Variants in CFAP99 observed in about 807,000 individuals in gnomAD.
The protein encoded by CFAP99 is cilia and flagella associated protein 99, also known as cilia- and flagella-associated protein 99.
CFAP99 carries 84 observed loss-of-function variants against 82.7 expected under a neutral mutation model. The ratio of observed to expected loss-of-function variants is 1.02; its 90% CI spans 0.85 to 1.22. The LOEUF (loss-of-function observed/expected upper bound fraction) is 1.22. CFAP99 is among the 50% of genes most tolerant of loss of function. The pLI is 0.00. For missense variants in CFAP99, 1,059 were observed against 983.5 expected, an observed-to-expected ratio of 1.08 and a Z score of -1.03; for synonymous variants, 456 against 429.5, an observed-to-expected ratio of 1.06 and a Z score of -0.76.
Position 2,437,078 on chromosome 4 carries a change from CG to C in CFAP99, c.256+62del, listed in dbSNP as rs974447033. 5 of 1,525,066 alleles carry C rather than the reference CG, an allele frequency of 3.3e-6. No individual in the cohort carries two copies. The African/African-American group carries it at 6.9e-5, about 21-fold the overall frequency. The allele number at this position is 1,525,066 out of a possible 1,614,324, so 94.5% of individuals were successfully genotyped here. A position where few individuals can be genotyped will look rare whatever the true frequency, so the allele number is the denominator to read the frequency against. ...AGAGACGGTTCACTCAGGCTCTCTG[CG>C]GAAAGGCCTGGCAGGCAGGCAGCGG... On this transcript the variant is annotated intron_variant, in intron 3 of 14. Coordinates refer to ENST00000635017, the Ensembl canonical transcript of CFAP99.
intron 2 of CFAP99, chr4:2,427,622 G>A (rs1324665962): frequency 2.6e-5 from 4 of 152,666 alleles, no homozygotes; most frequent in Non-Finnish European, 5.8e-5. Context: ...GCCTATGTGC[G>A]CTGCTTTTCT....
At position 2,451,037 on chromosome 4, in the gene CFAP99, T is replaced by A; in HGVS notation, c.867+19T>A. 1 of 1,533,344 alleles carries A rather than the reference T, an allele frequency of 6.5e-7. No individual in the cohort carries two copies. Among genetic ancestry groups the A allele is most frequent in the Non-Finnish European group, 8.7e-7 (1 of 1,145,422 alleles). 95.0% of individuals were successfully genotyped at this position (1,533,344 alleles called of 1,614,324 possible). A position where few individuals can be genotyped will look rare whatever the true frequency, so the allele number is the denominator to read the frequency against. ...CTATAGGGTGAGGGGTGCTCCTGGA[T>A]GGTCAGGCTGCTCTCCCTGGGCACC... is the stretch of plus-strand genomic sequence containing the variant. On this transcript the variant is annotated intron_variant, in intron 9 of 14. Transcript: ENST00000635017.
At chr4:2,452,891 C>T (rs1206960543) in intron 11 of CFAP99, among the ~76,000 whole-genome samples, 6 of 152,058 alleles carry the variant, frequency 3.9e-5, no homozygotes, top group Non-Finnish European at 8.8e-5. Context: ...AGCAAAATCC[C>T]GTCTCTGTAA....
exon 6 of CFAP99, chr4:2,445,171 G>A: frequency 7.1e-7 from 1 of 1,415,118 alleles, no homozygotes; most frequent in Non-Finnish European, 9.2e-7. Flanking sequence ...CCACCTGGAG[G>A]GCGTGTCTGC....
At chr4:2,461,331 G>A (rs193135070) in intron 14 of CFAP99, among the ~76,000 whole-genome samples, 22 of 152,320 alleles carry the variant, frequency 1.4e-4, no homozygotes, top group Non-Finnish European at 2.4e-4. Flanking sequence ...ACAGGGCTCC[G>A]GAGACGGTTT....
exon 10 of CFAP99, chr4:2,451,316 C>T (rs1734295341): frequency 3.9e-6 from 6 of 1,536,014 alleles, no homozygotes; most frequent in Non-Finnish European, 5.2e-6. Flanking sequence ...CGAGAAGGGG[C>T]CTTGTACCAG....
At chr4:2,437,134 C>G in intron 3 of CFAP99, 116 bp downstream of exon 3, 1 of 1,281,614 alleles carries the variant, frequency 7.8e-7, no homozygotes, top group Non-Finnish European at 1.1e-6. Context: ...CCTTCCTGCC[C>G]TTGCACTGGA....
chr4:2,426,862 G>C (rs1255935891), intron 2 of CFAP99: 1 of 439,136 alleles, frequency 2.3e-6, no homozygotes, highest in Admixed American at 3.4e-5. Flanking sequence ...CAGATGAGAA[G>C]GGTCAGCCCT....
At chr4:2,420,122 C>G (rs867364845) in intron 1 of CFAP99, among the ~76,000 whole-genome samples, 10 of 151,862 alleles carry the variant, frequency 6.6e-5, no homozygotes, top group African/African-American at 2.2e-4. Flanking sequence ...CTCCTCGCTC[C>G]TGGCCACTCC....
At chr4:2,422,712 G>A (rs576225572) in intron 1 of CFAP99, among the ~76,000 whole-genome samples, 18 of 152,312 alleles carry the variant, frequency 1.2e-4, no homozygotes, top group African/African-American at 3.8e-4. Context: ...AAAGGCTGGG[G>A]CAAGGGGACC....
chr4:2,424,730 C>T (rs73205474), intron 1 of CFAP99, among the ~76,000 whole-genome samples: 46,325 of 152,128 alleles, frequency 0.3, 8,119 homozygotes, highest in East Asian at 0.52. Context: ...CCCACAACGA[C>T]AGTCACTTGG....
chr4:2,452,932 G>A (rs1734338867), intron 11 of CFAP99, among the ~76,000 whole-genome samples: 1 of 152,072 alleles, frequency 6.6e-6, no homozygotes, highest in Non-Finnish European at 1.5e-5. Context: ...GCATGGTGGT[G>A]CGTGCCCGTA....
intron 11 of CFAP99, among the ~76,000 whole-genome samples, chr4:2,457,835 A>G (rs1734472448): frequency 1.3e-5 from 2 of 151,994 alleles, no homozygotes; most frequent in Admixed American, 1.3e-4. Context: ...AGCCCTTGCT[A>G]GGTGTTGGCC....
intron 2 of CFAP99, among the ~76,000 whole-genome samples, chr4:2,429,949 G>A (rs1041056134): frequency 2.5e-4 from 38 of 149,246 alleles, no homozygotes; most frequent in African/African-American, 8.3e-4. Flanking sequence ...ATTGGATCCT[G>A]ATCCAGTTTG....
At chr4:2,452,539 C>G (rs1734330072) in intron 11 of CFAP99, among the ~76,000 whole-genome samples, 193 bp downstream of exon 11, 1 of 152,166 alleles carries the variant, frequency 6.6e-6, no homozygotes, top group Non-Finnish European at 1.5e-5. Flanking sequence ...AGCCTGTGTT[C>G]CCCGAGAGTG....
At chr4:2,430,513 C>T (rs111799162) in intron 2 of CFAP99, among the ~76,000 whole-genome samples, 6 of 142,550 alleles carry the variant, frequency 4.2e-5, no homozygotes, top group Admixed American at 7.0e-5. Flanking sequence ...GTAAACCAAA[C>T]GGCAGACTCC....
At chr4:2,422,681 C>A (rs1034561342) in intron 1 of CFAP99, among the ~76,000 whole-genome samples, 2 of 152,198 alleles carry the variant, frequency 1.3e-5, no homozygotes, top group African/African-American at 4.8e-5. Flanking sequence ...CCAGGCAGAG[C>A]TGTATCCAGA....
At chr4:2,440,389 G>A (rs1201606684) in intron 4 of CFAP99, among the ~76,000 whole-genome samples, 4 of 149,834 alleles carry the variant, frequency 2.7e-5, no homozygotes, top group East Asian at 2.1e-4. Context: ...CTCGTGATCC[G>A]CCCGCCTCGG....
At chr4:2,433,912 A>G (rs1474303231) in intron 2 of CFAP99, among the ~76,000 whole-genome samples, 1 of 152,210 alleles carries the variant, frequency 6.6e-6, no homozygotes, top group Non-Finnish European at 1.5e-5. Flanking sequence ...ACTTCCATGC[A>G]GGGCCTCACT....
Sources: gnomAD v4.1 joint callset for allele counts (sites outside exome capture counted in the v4.1 genomes callset) on GRCh38, gnomAD v4.1.1 for gene constraint, MANE v1.5 for transcripts, NCBI Gene and HGNC (gene_info 2026-07-23, HGNC 2026-07-21) for gene names.